RCOR1: variants seen among roughly 807,000 people sequenced by gnomAD.
RCOR1 encodes the protein REST corepressor 1.
In RCOR1, 12 loss-of-function variants were observed where a neutral mutation model predicts 64.0. That is an observed-to-expected ratio of 0.19 (90% CI 0.12 to 0.30). RCOR1 has a LOEUF of 0.30. Ranked by LOEUF, RCOR1 falls within the 10% of genes least tolerant of loss-of-function variation. The pLI is 1.00. For missense variants in RCOR1, 502 were observed against 621.2 expected (o/e 0.81, Z 2.04); for synonymous variants, 279 against 227.2 (o/e 1.23, Z -2.05).
chr14:102,676,830 G>A (rs1438939052), intron 2 of RCOR1, among the ~76,000 whole-genome samples: 18 of 86,952 alleles, frequency 2.1e-4, no homozygotes, highest in Middle Eastern at 0.01. Flanking sequence ...CTCACCTCCC[G>A]GACGGGGCGG....
At chr14:102,718,287 TG>T (rs1269847819) in intron 8 of RCOR1, among the ~76,000 whole-genome samples, 1 of 151,930 alleles carries the variant, frequency 6.6e-6, no homozygotes, top group African/African-American at 2.4e-5. Context: ...GAAGAGGAGG[TG>T]GGGGTGGAGG....
chr14:102,679,719 C>T (rs1422821572), intron 2 of RCOR1, among the ~76,000 whole-genome samples: 1 of 152,112 alleles, frequency 6.6e-6, no homozygotes, highest in Non-Finnish European at 1.5e-5. Context: ...ACTTCATGAT[C>T]CTCCTGCCTC....
At chr14:102,655,487 A>G (rs1272882463) in intron 2 of RCOR1, 2 of 980,088 alleles carry the variant, frequency 2.0e-6, no homozygotes, top group Non-Finnish European at 2.4e-6. Context: ...TATGTTTTTT[A>G]TAGTCTTAAT....
intron 2 of RCOR1, among the ~76,000 whole-genome samples, chr14:102,634,420 C>G (rs1353905651): frequency 2.0e-5 from 3 of 152,022 alleles, no homozygotes; most frequent in Non-Finnish European, 4.4e-5. Context: ...ACAGATCTCT[C>G]CAAGCTTCGG....
chr14:102,642,771 G>T (rs1894395485), intron 2 of RCOR1, among the ~76,000 whole-genome samples: 1 of 152,148 alleles, frequency 6.6e-6, no homozygotes, highest in Non-Finnish European at 1.5e-5. Context: ...AGGAAGTCGA[G>T]GCTGTGGTGA....
At chr14:102,653,957 TTC>T (rs1196678568) in intron 2 of RCOR1, among the ~76,000 whole-genome samples, 26 of 53,406 alleles carry the variant, frequency 4.9e-4, no homozygotes, top group Non-Finnish European at 8.7e-4. Context: ...CTTTCTTTCT[TTC>T]TTTCTTTCTT....
At position 102,592,747 on chromosome 14, in the gene RCOR1, C is replaced by T; in HGVS notation, c.-140C>T. On this transcript the variant is annotated 5_prime_UTR_variant, in exon 1 of 12. Coordinates refer to ENST00000262241, the MANE Select transcript of RCOR1 (RefSeq NM_015156.4). ...CCGCGCTCTGCCCGTTTGGGCCTCCCCCGACTCGGACTCGCGCCCGTGGGC... is the reference window on the plus strand; with the variant it reads ...CCGCGCTCTGCCCGTTTGGGCCTCCTCCGACTCGGACTCGCGCCCGTGGGC... 8.2e-7 allele frequency: 1 copy of T among 1,219,960 alleles called. No individual in the cohort carries two copies. Among genetic ancestry groups the T allele is most frequent in the Non-Finnish European group, 1.0e-6 (1 of 980,538 alleles). 75.6% of individuals were successfully genotyped at this position (1,219,960 alleles called of 1,614,324 possible).
chr14:102,709,026 C>G (rs1895910629), intron 6 of RCOR1, among the ~76,000 whole-genome samples: 1 of 152,062 alleles, frequency 6.6e-6, no homozygotes, highest in Non-Finnish European at 1.5e-5. Context: ...TTTATAATCT[C>G]TTAGTAAGGA....
intron 3 of RCOR1, among the ~76,000 whole-genome samples, chr14:102,689,783 G>T (rs1370347740): frequency 6.6e-6 from 1 of 152,200 alleles, no homozygotes; most frequent in Non-Finnish European, 1.5e-5. Context: ...TCGCACTGAT[G>T]CCTGGGCTAG....
chr14:102,672,567 T>G (rs1322872121), intron 2 of RCOR1, among the ~76,000 whole-genome samples: 1 of 152,174 alleles, frequency 6.6e-6, no homozygotes, highest in African/African-American at 2.4e-5. Context: ...TCCCAACATT[T>G]TAGCCAAATA....
intron 2 of RCOR1, among the ~76,000 whole-genome samples, chr14:102,674,954 C>A (rs556723392): frequency 6.9e-6 from 1 of 145,488 alleles, no homozygotes; most frequent in East Asian, 2.1e-4. Flanking sequence ...CAGCTACAGG[C>A]TGGGGCAGGA....
Position 102,727,693 on chromosome 14 carries a change from A to G in RCOR1, c.*1187A>G, listed in dbSNP as rs537207570. On this transcript the variant is annotated 3_prime_UTR_variant, in exon 12 of 12. Transcript: ENST00000262241. ...AGAGTACAGGACAGAGAAGTGATCA[A>G]TGTATTGGTCTAGTGAGACTGAGAT... 2 of 152,318 alleles carry G rather than the reference A, an allele frequency of 1.3e-5. No individual in the cohort carries two copies. The highest frequency in any genetic ancestry group is 2.1e-4 in the South Asian group (1 of 4,818). 9.4% of individuals were successfully genotyped at this position (152,318 alleles called of 1,614,324 possible).
In RCOR1 at chr14:102,728,243, T is replaced by A. The variant is rs1287199100; in HGVS notation, c.*1737T>A. ...GTACAATGGGACTTGCTGCCCTTCATCATCTCGTTCCCGTGCCAGGTGTGT... is the reference window on the plus strand; with the variant it reads ...GTACAATGGGACTTGCTGCCCTTCAACATCTCGTTCCCGTGCCAGGTGTGT... On this transcript the variant is annotated 3_prime_UTR_variant, in exon 12 of 12. Coordinates refer to ENST00000262241, the MANE Select transcript of RCOR1 (RefSeq NM_015156.4). The A allele has an allele frequency of 6.6e-6, 1 of 152,134 alleles. No individual in the cohort carries two copies. Among genetic ancestry groups the A allele is most frequent in the Admixed American group, 6.5e-5 (1 of 15,268 alleles). The allele number at this position is 152,134 out of a possible 1,614,324, so 9.4% of individuals were successfully genotyped here. A position where few individuals can be genotyped will look rare whatever the true frequency, so the allele number is the denominator to read the frequency against.
chr14:102,718,447 T>A (rs1896110773), intron 8 of RCOR1, among the ~76,000 whole-genome samples: 1 of 152,134 alleles, frequency 6.6e-6, no homozygotes, highest in African/African-American at 2.4e-5. Context: ...TGGGCATGTC[T>A]CTTAAATTAG....
chr14:102,714,487 G>A lies in RCOR1; in HGVS notation c.923G>A (p.Arg308Lys). 1 of 1,613,794 alleles carries A rather than the reference G, an allele frequency of 6.2e-7. No homozygotes were observed. Among genetic ancestry groups the A allele is most frequent in the East Asian group, 2.2e-5 (1 of 44,874 alleles). Reference protein sequence around the residue: ...KEKHSTQAKNRAKRKPPKGMF... With the variant: ...KEKHSTQAKNKAKRKPPKGMF... ...AAACATAGCACACAAGCTAAAAATA[G>A]AGCAAAAAGGAAACCTCCAAAAGGA... The change falls in exon 8 of 12, where the codon AGA (arginine) becomes AAA (lysine). Residue 308 changes from arginine (R) to lysine (K), a missense_variant. Arg to Lys is a conservative substitution (Grantham distance 26). This residue lies in a region of RCOR1 where 260 missense variants were observed against 416.4 expected (regional missense o/e 0.62). Transcript: ENST00000262241.
chr14:102,661,730 T>A (rs1894827157), intron 2 of RCOR1, among the ~76,000 whole-genome samples: 1 of 152,166 alleles, frequency 6.6e-6, no homozygotes, highest in South Asian at 2.1e-4. Context: ...GTAGTTAGCT[T>A]ATGGAAACAT....
chr14:102,592,947 G>A lies in RCOR1; in HGVS notation c.61G>A (p.Ala21Thr). 2.5e-6 allele frequency: 3 copies of A among 1,205,542 alleles called. No individual in the cohort carries two copies. Among genetic ancestry groups the A allele is most frequent in the South Asian group, 5.1e-5 (2 of 39,316 alleles). The allele number at this position is 1,205,542 out of a possible 1,614,324, so 74.7% of individuals were successfully genotyped here. The change falls in exon 1 of 12, where the codon GCG becomes ACG. Residue 21 changes from alanine to threonine, a missense_variant. Physicochemically the swap from Ala to Thr is moderately conservative, Grantham distance 58. Transcript: ENST00000262241. ...VSGKRRGRNNAAASASAAAAS... is the reference protein window; with the variant it reads ...VSGKRRGRNNTAASASAAAAS... ...AGGGAAGCGGAGAGGGAGGAACAAC[G>A]CGGCCGCCTCCGCCTCCGCCGCCGC...
rs1337604944 is a variant in RCOR1, at chr14:102,681,991, G to T, written c.445+13G>T. 6.3e-7 allele frequency: 1 copy of T among 1,591,004 alleles called. No individual in the cohort carries two copies. The highest frequency in any genetic ancestry group is 8.6e-7 in the Non-Finnish European group (1 of 1,159,554). On this transcript the variant is annotated intron_variant, in intron 3 of 11. Coordinates refer to ENST00000262241, the MANE Select transcript of RCOR1 (RefSeq NM_015156.4). ...TCAGAAGCAAAGTGTAAGTCTTGGA[G>T]CACTTTATTTTCCACCTTTCTTGTT...
At chr14:102,624,693 G>C (rs1046389202) in intron 2 of RCOR1, among the ~76,000 whole-genome samples, 2 of 151,536 alleles carry the variant, frequency 1.3e-5, no homozygotes, top group Non-Finnish European at 2.9e-5. Context: ...TTGAGCCTAG[G>C]AGGTCGAGGT....
Sources: allele counts gnomAD v4.1 joint callset (sites outside exome capture counted in the v4.1 genomes callset), GRCh38; gene constraint gnomAD v4.1.1; regional missense constraint gnomAD v4.1.1; transcripts MANE v1.5; gene names NCBI Gene and HGNC (gene_info 2026-07-23, HGNC 2026-07-21).